Variants in PLXDC2 observed in about 807,000 individuals in gnomAD.
The protein encoded by PLXDC2 is plexin domain containing 2, also known as plexin domain-containing protein 2.
A neutral mutation model predicts 68.9 loss-of-function variants in PLXDC2; 40 were observed. That is an observed-to-expected ratio of 0.58 (90% CI 0.45 to 0.76). The LOEUF (loss-of-function observed/expected upper bound fraction) is 0.76, where lower values mean the gene tolerates loss of function less well. PLXDC2 is among the 30% of genes least tolerant of loss of function. The pLI is 0.00. For synonymous variants in PLXDC2, 243 were observed against 234.2 expected (o/e 1.04, Z -0.34); for missense variants, 644 against 661.9 (o/e 0.97, Z 0.30).
chr10:20,087,534 G>A (rs1833216476), intron 4 of PLXDC2, among the ~76,000 whole-genome samples: 1 of 152,116 alleles, frequency 6.6e-6, no homozygotes, highest in African/African-American at 2.4e-5. Context: ...AGCTACATAT[G>A]TAAAACCCTG....
intron 1 of PLXDC2, among the ~76,000 whole-genome samples, chr10:19,850,318 G>GA (rs1220996067): frequency 1.3e-5 from 2 of 150,640 alleles, no homozygotes; most frequent in African/African-American, 4.9e-5. Context: ...TTTGAATAAG[G>GA]AAAAATTAAA....
Position 20,164,475 on chromosome 10 carries a change from T to G in PLXDC2, c.791T>G (p.Val264Gly). 1.2e-6 allele frequency: 2 copies of G among 1,612,452 alleles called. No individual in the cohort carries two copies. Among genetic ancestry groups the G allele is most frequent in the Non-Finnish European group, 8.5e-7 (1 of 1,178,666 alleles). ...RIIFGYKEIP[V>G]LVTQISSTNH... Reference sequence around the variant, plus strand: ...TGCTTTGTTTTTTTCCAGATTCCTGTCTTGGTCACACAGATAAGTTCAACC... The same window carrying G: ...TGCTTTGTTTTTTTCCAGATTCCTGGCTTGGTCACACAGATAAGTTCAACC... The change falls in exon 7 of 14, where the codon GTC (valine) becomes GGC (glycine). Residue 264 changes from valine to glycine, a missense_variant. Around this residue, in one of 3 missense-constraint regions of PLXDC2, gnomAD observed 330 missense variants for 327.9 expected, o/e 1.01. Transcript: ENST00000377252.
intron 9 of PLXDC2, among the ~76,000 whole-genome samples, chr10:20,185,193 G>A (rs369316812): frequency 1.5e-4 from 22 of 146,416 alleles, no homozygotes; most frequent in African/African-American, 5.3e-4. Context: ...AAAAACTATG[G>A]GTATTTTCCA....
Position 19,995,034 on chromosome 10 carries a change from C to A in PLXDC2, c.113-6741C>A, listed in dbSNP as rs143850573. Among the ~76,000 whole-genome samples, 730 of 152,192 alleles carry A rather than the reference C, an allele frequency of 4.8e-3. 5 individuals are homozygous for A. The highest frequency in any genetic ancestry group is 0.017 in the African/African-American group (688 of 41,544). On this transcript the variant is annotated intron_variant, in intron 1 of 13. Transcript: ENST00000377252. ...CTGGGATTACAGGCGTGAGCCACAG[C>A]GCCAGGCCTCTTTGAATTTTTATTA...
chr10:20,218,280 T>TA (rs1835166511), intron 11 of PLXDC2, among the ~76,000 whole-genome samples: 1 of 152,112 alleles, frequency 6.6e-6, no homozygotes, highest in East Asian at 1.9e-4. Flanking sequence ...AAATGGGTCT[T>TA]ACTTGTTTAT....
intron 1 of PLXDC2, among the ~76,000 whole-genome samples, chr10:19,831,902 C>T (rs1450286005): frequency 1.3e-5 from 2 of 152,086 alleles, no homozygotes; most frequent in African/African-American, 4.8e-5. Context: ...ATGCATGTGT[C>T]TTTATGGTAG....
intron 3 of PLXDC2, among the ~76,000 whole-genome samples, chr10:20,049,835 A>G (rs1164219136): frequency 6.6e-6 from 1 of 152,128 alleles, no homozygotes; most frequent in East Asian, 1.9e-4. Context: ...TACCAGTGAC[A>G]TTCTTCATAG....
chr10:20,005,821 A>T (rs535550120), intron 2 of PLXDC2, among the ~76,000 whole-genome samples: 2 of 152,312 alleles, frequency 1.3e-5, no homozygotes, highest in East Asian at 3.9e-4. Context: ...CACTGGGATT[A>T]CATTTCCAAA....
At chr10:20,057,238 T>C (rs16919747) in intron 3 of PLXDC2, among the ~76,000 whole-genome samples, 13,394 of 151,936 alleles carry the variant, frequency 0.088, 1,243 homozygotes, top group African/African-American at 0.24. Flanking sequence ...AAACTGTAAA[T>C]GGAATATAAT....
chr10:20,120,106 G>A (rs1168758068), intron 4 of PLXDC2, among the ~76,000 whole-genome samples: 1 of 152,090 alleles, frequency 6.6e-6, no homozygotes, highest in Non-Finnish European at 1.5e-5. Flanking sequence ...ACAAGAGCAG[G>A]GCATGTATGA....
chr10:20,240,711 CA>C (rs202138349), intron 12 of PLXDC2, among the ~76,000 whole-genome samples: 24,459 of 99,430 alleles, frequency 0.25, 1,372 homozygotes, highest in African/African-American at 0.29. Context: ...TTGCAGTAGC[CA>C]AAAAAAAAAA....
chr10:20,242,575 A>G (rs1479606977), intron 12 of PLXDC2, among the ~76,000 whole-genome samples: 1 of 152,192 alleles, frequency 6.6e-6, no homozygotes, highest in Non-Finnish European at 1.5e-5. Context: ...TATTTCCAAA[A>G]GCCTTTATTT....
At chr10:19,927,528 C>T (rs780918647) in intron 1 of PLXDC2, among the ~76,000 whole-genome samples, 3 of 151,332 alleles carry the variant, frequency 2.0e-5, no homozygotes, top group Admixed American at 1.3e-4. Flanking sequence ...GGTGAAACCC[C>T]GTCTCTACTA....
chr10:19,884,399 A>T (rs1005643918), intron 1 of PLXDC2, among the ~76,000 whole-genome samples: 4 of 152,102 alleles, frequency 2.6e-5, no homozygotes, highest in Admixed American at 2.6e-4. Context: ...CATGTGCACA[A>T]TGTGCAGGTT....
At chr10:19,956,526 GC>G in intron 1 of PLXDC2, among the ~76,000 whole-genome samples, 1 of 152,128 alleles carries the variant, frequency 6.6e-6, no homozygotes, top group African/African-American at 2.4e-5. Context: ...AAAAACATCA[GC>G]TCTCAAAGAA....
At chr10:20,015,738 T>C (rs748256127) in intron 2 of PLXDC2, among the ~76,000 whole-genome samples, 21 of 152,082 alleles carry the variant, frequency 1.4e-4, no homozygotes, top group African/African-American at 3.1e-4. Flanking sequence ...GAGGATACGA[T>C]GGTGAACCCA....
intron 1 of PLXDC2, among the ~76,000 whole-genome samples, chr10:19,979,281 C>G (rs1006880535): frequency 2.0e-5 from 3 of 152,044 alleles, no homozygotes; most frequent in Admixed American, 6.6e-5. Context: ...TAGTTCAGTA[C>G]TTGGCACAAT....
chr10:20,230,189 G>A (rs1445884562), intron 12 of PLXDC2, among the ~76,000 whole-genome samples: 1 of 152,180 alleles, frequency 6.6e-6, no homozygotes, highest in Non-Finnish European at 1.5e-5. Context: ...CCAACTCTAT[G>A]CTGTGTATAA....
At chr10:20,265,157 T>C (rs1249853814) in intron 13 of PLXDC2, among the ~76,000 whole-genome samples, 3 of 152,172 alleles carry the variant, frequency 2.0e-5, no homozygotes, top group Non-Finnish European at 4.4e-5. Context: ...AACTGACCAT[T>C]GAGTAGAAAG....
Sources: allele counts gnomAD v4.1 joint callset (sites outside exome capture counted in the v4.1 genomes callset), GRCh38; gene constraint gnomAD v4.1.1; regional missense constraint gnomAD v4.1.1; transcripts MANE v1.5; gene names NCBI Gene and HGNC (gene_info 2026-07-23, HGNC 2026-07-21).